Variants in MED12L observed in about 807,000 individuals in gnomAD.
The protein encoded by MED12L is mediator complex subunit 12L.
MED12L carries 60 observed loss-of-function variants against 281.3 expected under a neutral mutation model. The ratio of observed to expected loss-of-function variants is 0.21; its 90% CI spans 0.17 to 0.26. The LOEUF (loss-of-function observed/expected upper bound fraction) is 0.26. Ranked by LOEUF, MED12L falls within the 10% of genes least tolerant of loss-of-function variation. The pLI, the probability that MED12L is intolerant of heterozygous loss-of-function variation, is 1.00. For missense variants in MED12L, 2,146 were observed against 2,680.9 expected (o/e 0.80, Z 4.41); for synonymous variants, 974 against 987.2 (o/e 0.99, Z 0.25).
chr3:151,128,461 C>T (rs776674039), intron 5 of MED12L, among the ~76,000 whole-genome samples: 31 of 152,146 alleles, frequency 2.0e-4, no homozygotes, highest in Non-Finnish European at 3.2e-4. Context: ...CCAGTGAAGT[C>T]ATCGCTGATC....
chr3:151,115,725 T>C (rs1016982375), intron 2 of MED12L, among the ~76,000 whole-genome samples: 4 of 151,834 alleles, frequency 2.6e-5, no homozygotes, highest in Non-Finnish European at 4.4e-5. Flanking sequence ...TTCTAACTTA[T>C]AAGTAAAAAA....
chr3:151,420,843 C>T lies in MED12L; in HGVS notation c.6408+4421C>T, dbSNP rs191542611. 2.8e-3 allele frequency among the ~76,000 whole-genome samples: 427 copies of T among 152,278 alleles called. 2 individuals are homozygous for T. Among genetic ancestry groups the T allele is most frequent in the African/African-American group, 9.5e-3 (393 of 41,568 alleles). Reference sequence around the variant, plus strand: ...GTGGATAAGGCATTCTGTGAGTCCACGGATGGTAGTCTTGGCAGAGGCGTT... The same window carrying T: ...GTGGATAAGGCATTCTGTGAGTCCATGGATGGTAGTCTTGGCAGAGGCGTT... On this transcript the variant is annotated intron_variant, in intron 43 of 44. Coordinates refer to ENST00000687756, the MANE Select transcript of MED12L (RefSeq NM_001393769.1).
chr3:151,339,476 T>C (rs373377497), intron 16 of MED12L, among the ~76,000 whole-genome samples: 2 of 151,934 alleles, frequency 1.3e-5, no homozygotes, highest in African/African-American at 4.8e-5. Context: ...TTGGAAGATA[T>C]TCCTGCCTCT....
chr3:151,173,343 G>A (rs1386536425), intron 11 of MED12L, among the ~76,000 whole-genome samples: 2 of 152,080 alleles, frequency 1.3e-5, no homozygotes, highest in Non-Finnish European at 2.9e-5. Context: ...AATCCAAATG[G>A]TACTCTTAAC....
chr3:151,402,725 T>G (rs1338722653), intron 39 of MED12L, among the ~76,000 whole-genome samples: 1 of 152,240 alleles, frequency 6.6e-6, no homozygotes, highest in Non-Finnish European at 1.5e-5. Context: ...ATCACCATAT[T>G]GTTTATCAGT....
chr3:151,385,006 T>A (rs1181008710), intron 35 of MED12L, 24 bp from the exon 36 acceptor site: 10 of 1,237,170 alleles, frequency 8.1e-6, no homozygotes, highest in East Asian at 2.3e-5. Context: ...CTTCTCACTC[T>A]CTCTCTCTCT....
intron 16 of MED12L, among the ~76,000 whole-genome samples, chr3:151,197,264 A>G (rs1464628638): frequency 6.6e-6 from 1 of 152,108 alleles, no homozygotes; most frequent in Non-Finnish European, 1.5e-5. Context: ...CCCAGGTTCA[A>G]ATGATTCTCC....
intron 16 of MED12L, among the ~76,000 whole-genome samples, chr3:151,309,581 C>G (rs116196352): frequency 6.6e-6 from 1 of 152,184 alleles, no homozygotes; most frequent in Non-Finnish European, 1.5e-5. Flanking sequence ...TAGGCAAGCT[C>G]CCTATACCGC....
intron 4 of MED12L, among the ~76,000 whole-genome samples, chr3:151,126,025 T>G (rs1714461590): frequency 6.6e-6 from 1 of 151,448 alleles, no homozygotes; most frequent in Non-Finnish European, 1.5e-5. Flanking sequence ...CCATAAAATA[T>G]GTATGTGGAT....
intron 32 of MED12L, among the ~76,000 whole-genome samples, chr3:151,380,603 A>G (rs78011237): frequency 1.6e-4 from 25 of 151,958 alleles, no homozygotes; most frequent in South Asian, 4.2e-4. Flanking sequence ...GTCTCAAAAA[A>G]AAAAAAAAAA....
In MED12L at chr3:151,322,692, A is replaced by G. The variant is rs1749131376; in HGVS notation, c.2251-27367A>G. ...CTGTTGGCTATCTCTTCCTCCTTGA[A>G]TCTCTCTTGTTCCTTGGTATTCAGT... On this transcript the variant is annotated intron_variant, in intron 16 of 44. Transcript: ENST00000687756. 3.3e-5 allele frequency among the ~76,000 whole-genome samples: 5 copies of G among 151,760 alleles called. No homozygotes were observed. In the South Asian group the frequency reaches 1.0e-3, roughly 32 times the overall value.
At chr3:151,300,564 C>T (rs1283349722) in intron 16 of MED12L, among the ~76,000 whole-genome samples, 1 of 152,174 alleles carries the variant, frequency 6.6e-6, no homozygotes, top group Non-Finnish European at 1.5e-5. Flanking sequence ...ACGTATTGAC[C>T]ATAGAAAGCA....
At chr3:151,189,898 GTTC>G (rs1370737301) in intron 13 of MED12L, among the ~76,000 whole-genome samples, 1 of 152,146 alleles carries the variant, frequency 6.6e-6, no homozygotes, top group Non-Finnish European at 1.5e-5. Context: ...CCATCTTTGT[GTTC>G]TTTTTATTCA....
At position 151,190,895 on chromosome 3, in the gene MED12L, T is replaced by C; in HGVS notation, c.1932T>C (p.Asp644=). The C allele has an allele frequency of 6.2e-7, 1 of 1,614,140 alleles. No homozygotes were observed. The highest frequency in any genetic ancestry group is 8.5e-7 in the Non-Finnish European group (1 of 1,180,024). The part of the protein sequence containing the change: ...RPRSPVGENA[D]EHYSKDHDVK... Reference sequence around the variant, plus strand: ...GGTCACCAGTAGGGGAAAATGCAGATGAACACTATTCAAAGGACCATGATG... The same window carrying C: ...GGTCACCAGTAGGGGAAAATGCAGACGAACACTATTCAAAGGACCATGATG... The change falls in exon 14 of 45, where the codon GAT becomes GAC. Residue 644 remains aspartate (D), a synonymous_variant. Transcript: ENST00000687756.
At chr3:151,337,635 A>G (rs888751194) in intron 16 of MED12L, 15 of 634,450 alleles carry the variant, frequency 2.4e-5, no homozygotes, top group African/African-American at 2.2e-4. Context: ...TTAGTTTTCT[A>G]TATTTTAAGA....
intron 2 of MED12L, among the ~76,000 whole-genome samples, chr3:151,091,726 A>C (rs1206607382): frequency 6.6e-6 from 1 of 152,168 alleles, no homozygotes; most frequent in Non-Finnish European, 1.5e-5. Flanking sequence ...ATAAAATGCA[A>C]ACCCTTTACC....
Position 151,377,054 on chromosome 3 carries a change from G to C in MED12L, c.4192G>C (p.Val1398Leu). The C allele has an allele frequency of 6.2e-7, 1 of 1,614,088 alleles. No homozygotes were observed. The highest frequency in any genetic ancestry group is 8.5e-7 in the Non-Finnish European group (1 of 1,179,954). Residue 1398 changes from valine (V) to leucine (L), a missense_variant, in exon 30 of 45, where the codon GTA (valine) becomes CTA (leucine). Coordinates refer to ENST00000687756, the MANE Select transcript of MED12L (RefSeq NM_001393769.1). ...LDNIAKATIE[V>L]FQQSADLNNS... ...CAATATTGCAAAGGCAACAATAGAG[G>C]TATTCCAGCAGTCTGCAGACCTAAA... is the stretch of plus-strand genomic sequence containing the variant.
chr3:151,430,809 G>T (rs1719415849), intron 44 of MED12L, among the ~76,000 whole-genome samples: 1 of 85,726 alleles, frequency 1.2e-5, no homozygotes, highest in South Asian at 3.2e-4. Flanking sequence ...GACTGTGAAT[G>T]TTCTTACCAC....
chr3:151,411,960 A>G (rs544058619), intron 41 of MED12L, among the ~76,000 whole-genome samples: 2 of 152,296 alleles, frequency 1.3e-5, no homozygotes, highest in South Asian at 2.1e-4. Context: ...CTTAGTTTCT[A>G]CCTTTTCCAC....
Sources: allele counts gnomAD v4.1 joint callset (sites outside exome capture counted in the v4.1 genomes callset), GRCh38; gene constraint gnomAD v4.1.1; transcripts MANE v1.5; gene names NCBI Gene and HGNC (gene_info 2026-07-23, HGNC 2026-07-21).